IL1RL2: variants seen among roughly 807,000 people sequenced by gnomAD.
The protein encoded by IL1RL2 is interleukin-1 receptor-like 2.
A neutral mutation model predicts 66.8 loss-of-function variants in IL1RL2; 68 were observed. That is an observed-to-expected ratio of 1.02 (90% CI 0.84 to 1.25). The LOEUF (loss-of-function observed/expected upper bound fraction) is 1.25, where lower values mean the gene tolerates loss of function less well. Ranked by LOEUF, IL1RL2 falls within the 50% of genes most tolerant of loss-of-function variation. IL1RL2 has a pLI of 0.00. For missense variants in IL1RL2, 729 were observed against 709.3 expected (o/e 1.03, Z -0.32); for synonymous variants, 305 against 264.6 (o/e 1.15, Z -1.48).
intron 2 of IL1RL2, 48 bp downstream of exon 2, chr2:102,187,973 G>T (rs1209920598): frequency 1.3e-6 from 2 of 1,574,542 alleles, no homozygotes; most frequent in Middle Eastern, 1.7e-4. Context: ...GAGTCCACAG[G>T]CTCCTGGCCT....
At chr2:102,221,836 T>C (rs1004445727) in intron 8 of IL1RL2, among the ~76,000 whole-genome samples, 1 of 152,228 alleles carries the variant, frequency 6.6e-6, no homozygotes, top group Non-Finnish European at 1.5e-5. Context: ...AATTTTCTTT[T>C]ATACTTTTTT....
At position 102,220,218 on chromosome 2, in the gene IL1RL2, A is replaced by G. The variant is rs1272209119; in HGVS notation, c.991+201A>G. Among the ~76,000 whole-genome samples the G allele has an allele frequency of 3.3e-5, 5 of 152,244 alleles. No homozygotes were observed. The East Asian group carries it at 7.7e-4, about 23-fold the overall frequency. On this transcript the variant is annotated intron_variant, in intron 8 of 11. Transcript: ENST00000264257. ...AGTGAGGCTGTGATTTTATTGCAGT[A>G]TATTTTGAAAGTGCCATATTTTCAA...
At chr2:102,219,142 A>G (rs1260291780) in intron 7 of IL1RL2, 60 bp downstream of exon 7, 10 of 1,585,612 alleles carry the variant, frequency 6.3e-6, no homozygotes, top group Non-Finnish European at 8.7e-6. Flanking sequence ...CATCTAAGTG[A>G]ATCTGGTATC....
chr2:102,239,122 C>T, intron 11 of IL1RL2, 70 bp from the exon 12 acceptor site: 2 of 1,403,630 alleles, frequency 1.4e-6, no homozygotes, highest in South Asian at 2.3e-5. Context: ...ATTCCCATGG[C>T]AGGTTTCCTT....
Position 102,187,098 on chromosome 2 carries a change from G to A in IL1RL2, c.-13+12G>A, listed in dbSNP as rs1200913757. 12 of 1,289,692 alleles carry A rather than the reference G, an allele frequency of 9.3e-6. No homozygotes were observed. The highest frequency in any genetic ancestry group is 1.1e-5 in the Non-Finnish European group (11 of 988,812). 79.9% of individuals were successfully genotyped at this position (1,289,692 alleles called of 1,614,324 possible). Reference sequence around the variant, plus strand: ...AATCCTGCAGGCAGGTAGACACCGGGCCGGGAGTCTGGCTGAGCCAGGCAT... The same window carrying A: ...AATCCTGCAGGCAGGTAGACACCGGACCGGGAGTCTGGCTGAGCCAGGCAT... On this transcript the variant is annotated intron_variant, in intron 1 of 11. Transcript: ENST00000264257.
chr2:102,230,995 A>T (rs1448943762), intron 9 of IL1RL2, among the ~76,000 whole-genome samples: 1 of 152,188 alleles, frequency 6.6e-6, no homozygotes, highest in African/African-American at 2.4e-5. Context: ...CATCCAACAA[A>T]CTCTCATATA....
At chr2:102,187,597 C>A (rs530278008) in intron 1 of IL1RL2, among the ~76,000 whole-genome samples, 1 of 152,164 alleles carries the variant, frequency 6.6e-6, no homozygotes, top group South Asian at 2.1e-4. Context: ...CCACCGCCGC[C>A]GCCGCCTACT....
In IL1RL2 at chr2:102,239,296, C is replaced by T; in HGVS notation, c.*55C>T. 1.3e-6 allele frequency: 2 copies of T among 1,516,026 alleles called. No homozygotes were observed. Among genetic ancestry groups the T allele is most frequent in the Non-Finnish European group, 9.2e-7 (1 of 1,090,660 alleles). The allele number at this position is 1,516,026 out of a possible 1,614,324, so 93.9% of individuals were successfully genotyped here. On this transcript the variant is annotated 3_prime_UTR_variant, in exon 12 of 12. Transcript: ENST00000264257. ...AGATGACTTGTTTTGCTCCATGTCT[C>T]CTCATTCCTACACCTATTTTCTGCT...
intron 10 of IL1RL2, among the ~76,000 whole-genome samples, chr2:102,233,587 A>C (rs1674545311): frequency 6.6e-6 from 1 of 152,032 alleles, no homozygotes; most frequent in African/African-American, 2.4e-5. Context: ...TCCCCTCCCT[A>C]AATATAATGG....
In IL1RL2 at chr2:102,233,117, T is replaced by C. The variant is rs1424270690; in HGVS notation, c.1290T>C (p.Pro430=). The C allele has an allele frequency of 6.2e-7, 1 of 1,610,838 alleles. No individual in the cohort carries two copies. Residue 430 remains proline (P), a synonymous_variant, in exon 10 of 12, where the codon CCT becomes CCC. Coordinates refer to ENST00000264257, the MANE Select transcript of IL1RL2 (RefSeq NM_003854.4). ...KLFIFGRDEF[P]GQAVANVIDE... ...TTATATTCGGCAGAGATGAATTCCC[T>C]GGACAAGGTGGGTTTTAAGTGAGGT...
intron 1 of IL1RL2, 87 bp downstream of exon 1, chr2:102,187,173 A>C: frequency 8.0e-7 from 1 of 1,248,422 alleles, no homozygotes; most frequent in Non-Finnish European, 1.0e-6. Context: ...ACGTGGCAAC[A>C]ATGTGTGCCA....
chr2:102,225,979 T>C lies in IL1RL2; in HGVS notation c.1073T>C (p.Ile358Thr). ...VAVSVVYIYNIFKIDIVLWYR... is the reference protein window; with the variant it reads ...VAVSVVYIYNTFKIDIVLWYR... ...GTGTCTGTTGTGTACATATACAACATTTTTAAGATCGACATTGTTCTTTGG... is the reference window on the plus strand; with the variant it reads ...GTGTCTGTTGTGTACATATACAACACTTTTAAGATCGACATTGTTCTTTGG... The change falls in exon 9 of 12, where the codon ATT (isoleucine) becomes ACT (threonine). Residue 358 changes from isoleucine (I) to threonine (T), a missense_variant. By Grantham distance (89) the Ile-to-Thr change is moderately conservative. Transcript: ENST00000264257. 1 of 1,609,374 alleles carries C rather than the reference T, an allele frequency of 6.2e-7. No individual in the cohort carries two copies. Among genetic ancestry groups the C allele is most frequent in the Non-Finnish European group, 8.5e-7 (1 of 1,177,590 alleles).
At chr2:102,190,493 G>A (rs564139559) in intron 3 of IL1RL2, among the ~76,000 whole-genome samples, 1 of 152,094 alleles carries the variant, frequency 6.6e-6, no homozygotes, top group African/African-American at 2.4e-5. Flanking sequence ...TTTTGATTCC[G>A]CGATATTTGC....
rs962212079 is a variant in IL1RL2 at position 102,187,091 on chromosome 2, A to G, written c.-13+5A>G. ...GCGCTTCAATCCTGCAGGCAGGTAG[A>G]CACCGGGCCGGGAGTCTGGCTGAGC... On this transcript the variant is annotated splice_donor_5th_base_variant and intron_variant, in intron 1 of 11. Transcript: ENST00000264257. 38 of 1,289,634 alleles carry G rather than the reference A, an allele frequency of 2.9e-5. No individual in the cohort carries two copies. The Admixed American group carries it at 6.9e-4, about 23-fold the overall frequency. The allele number at this position is 1,289,634 out of a possible 1,614,324, so 79.9% of individuals were successfully genotyped here.
At chr2:102,195,083 A>G (rs538148863) in intron 4 of IL1RL2, among the ~76,000 whole-genome samples, 1 of 152,216 alleles carries the variant, frequency 6.6e-6, no homozygotes, top group African/African-American at 2.4e-5. Flanking sequence ...ACAGGTGGTT[A>G]GCCACATTTG....
intron 5 of IL1RL2, among the ~76,000 whole-genome samples, chr2:102,210,687 G>T (rs1191702963): frequency 1.3e-5 from 2 of 152,226 alleles, no homozygotes; most frequent in East Asian, 3.8e-4. Flanking sequence ...CTATTGACTG[G>T]ATGGTGATGC....
intron 8 of IL1RL2, among the ~76,000 whole-genome samples, chr2:102,222,181 CA>C (rs1690200165): frequency 6.6e-6 from 1 of 152,180 alleles, no homozygotes; most frequent in South Asian, 2.1e-4. Flanking sequence ...GGGGGCTTAT[CA>C]GTGTATCACT....
intron 9 of IL1RL2, among the ~76,000 whole-genome samples, chr2:102,231,507 AT>A (rs1691126198): frequency 5.7e-5 from 8 of 140,686 alleles, no homozygotes; most frequent in African/African-American, 2.3e-4. Flanking sequence ...TAAAAATAAA[AT>A]AAAAAAATAA....
chr2:102,220,244 T>A (rs758274791), intron 8 of IL1RL2, among the ~76,000 whole-genome samples: 8 of 152,246 alleles, frequency 5.3e-5, no homozygotes, highest in Non-Finnish European at 1.0e-4. Context: ...ATATTTTCAA[T>A]ACATCCAGAT....
Sources: allele counts gnomAD v4.1 joint callset (sites outside exome capture counted in the v4.1 genomes callset), GRCh38; gene constraint gnomAD v4.1.1; transcripts MANE v1.5; gene names NCBI Gene and HGNC (gene_info 2026-07-23, HGNC 2026-07-21).